Variants in TEX2 observed in about 807,000 individuals in gnomAD.
The protein encoded by TEX2 is testis-expressed protein 2.
In TEX2, 53 loss-of-function variants were observed where a neutral mutation model predicts 106.9. That is an observed-to-expected ratio of 0.50 (90% confidence interval 0.40 to 0.62). TEX2 has a LOEUF of 0.62. TEX2 is among the 20% of genes least tolerant of loss of function. The pLI, the probability that TEX2 is intolerant of heterozygous loss-of-function variation, is 0.00. For missense variants in TEX2, 1,207 were observed against 1,379.0 expected, an observed-to-expected ratio of 0.88 and a Z score of 1.98; for synonymous variants, 523 against 534.8, an observed-to-expected ratio of 0.98 and a Z score of 0.30.
chr17:64,210,634 CTTTTTTTTTTTTT>C (rs58313195), intron 2 of TEX2, among the ~76,000 whole-genome samples: 4 of 74,758 alleles, frequency 5.4e-5, no homozygotes, highest in East Asian at 8.1e-4. Flanking sequence ...CAACCCCCAG[CTTTTTTTTTTTTT>C]TTTTTTTTTT....
intron 5 of TEX2, among the ~76,000 whole-genome samples, chr17:64,180,392 A>G (rs1394859645): frequency 6.6e-6 from 1 of 152,236 alleles, no homozygotes; most frequent in Non-Finnish European, 1.5e-5. Flanking sequence ...AAATTTCTGA[A>G]ATAACCGACA....
chr17:64,250,120 C>A (rs1037757089), intron 1 of TEX2, among the ~76,000 whole-genome samples: 7 of 152,214 alleles, frequency 4.6e-5, no homozygotes. Context: ...GCAGTTTCTG[C>A]TCCTAACTGT....
In TEX2 at chr17:64,214,080, C is replaced by T; in HGVS notation, c.138G>A (p.Glu46=). 1 of 1,613,440 alleles carries T rather than the reference C, an allele frequency of 6.2e-7. No individual in the cohort carries two copies. Among genetic ancestry groups the T allele is most frequent in the Non-Finnish European group, 8.5e-7 (1 of 1,179,410 alleles). Residue 46 remains glutamate (E), a synonymous_variant, in exon 2 of 12, where the codon GAG becomes GAA. Transcript: ENST00000584379. ...ACTCCCTGAACTCCTCCTCCTCTTC[C>T]TCCTCCTCCTCGCCGGATGCCGAGA... The part of the protein sequence containing the change: ...IHFSASGEEE[E]EEEEEFREYF...
chr17:64,256,510 C>T (rs1009298938), intron 1 of TEX2, among the ~76,000 whole-genome samples: 3 of 152,146 alleles, frequency 2.0e-5, no homozygotes, highest in African/African-American at 7.2e-5. Context: ...ATCCACGTTG[C>T]TCTCTCTCTT....
In TEX2 at chr17:64,213,258, G is replaced by A; in HGVS notation, c.960C>T (p.Ala320=). The A allele has an allele frequency of 6.2e-7, 1 of 1,614,188 alleles. No homozygotes were observed. Among genetic ancestry groups the A allele is most frequent in the Non-Finnish European group, 8.5e-7 (1 of 1,180,040 alleles). The change falls in exon 2 of 12, where the codon GCC becomes GCT. Residue 320 remains alanine, a synonymous_variant. Coordinates refer to ENST00000584379, the MANE Select transcript of TEX2 (RefSeq NM_001288732.2). The surrounding 1 kb of genome is among the most constrained non-coding windows in gnomAD (Gnocchi z 4.4). ...GEESGSHRPK[A]LSSSASELSN... is the part of the protein sequence containing the mutation. The stretch of plus-strand genomic sequence containing the variant: ...AGAGTTCTGAAGCACTTGAAGATAA[G>A]GCTTTGGGCCTATGGCTGCCACTTT...
At chr17:64,226,590 T>C (rs868970259) in intron 1 of TEX2, among the ~76,000 whole-genome samples, 6 of 152,264 alleles carry the variant, frequency 3.9e-5, no homozygotes, top group Middle Eastern at 6.8e-3. Flanking sequence ...ATCTCCCAAG[T>C]ACATGAACAG....
At chr17:64,181,391 G>A (rs980607586) in intron 5 of TEX2, among the ~76,000 whole-genome samples, 13 of 143,020 alleles carry the variant, frequency 9.1e-5, no homozygotes, top group African/African-American at 2.9e-4. Context: ...CAGGAGAATC[G>A]CTTGAGCCCA....
chr17:64,154,875 C>G lies in TEX2; in HGVS notation c.2897G>C (p.Gly966Ala), dbSNP rs779514632. 7.5e-6 allele frequency: 12 copies of G among 1,608,904 alleles called. No homozygotes were observed. Among genetic ancestry groups the G allele is most frequent in the Non-Finnish European group, 8.5e-6 (10 of 1,178,138 alleles). ...CCCTGGGAGGAGCTGTTTGTCTCCCCCGCTGGGCTCTGGGGCATCGTCTTC... is the reference window on the plus strand; with the variant it reads ...CCCTGGGAGGAGCTGTTTGTCTCCCGCGCTGGGCTCTGGGGCATCGTCTTC... Reference protein sequence around the residue: ...SEEDDAPEPSGGDKQLLPGAE... With the variant: ...SEEDDAPEPSAGDKQLLPGAE... The change falls in exon 9 of 12, where the codon GGG (glycine) becomes GCG (alanine). Residue 966 changes from glycine (G) to alanine (A), a missense_variant. Physicochemically the swap from Gly to Ala is moderately conservative, Grantham distance 60. Coordinates refer to ENST00000584379, the MANE Select transcript of TEX2 (RefSeq NM_001288732.2).
At chr17:64,231,104 G>C (rs891138724) in intron 1 of TEX2, among the ~76,000 whole-genome samples, 1 of 152,158 alleles carries the variant, frequency 6.6e-6, no homozygotes, top group East Asian at 1.9e-4. Context: ...CAGATCAGCC[G>C]CACCTGCATG....
At position 64,153,969 on chromosome 17, in the gene TEX2, T is replaced by C. The variant is rs150231825; in HGVS notation, c.2931-815A>G. On this transcript the variant is annotated intron_variant, in intron 9 of 11. Coordinates refer to ENST00000584379, the MANE Select transcript of TEX2 (RefSeq NM_001288732.2). The surrounding 1 kb of genome is among the most constrained non-coding windows in gnomAD (Gnocchi z 4.1). Reference sequence around the variant, plus strand: ...CAAACAAACAAAATGCTACACCAAGTTGACGTGCTCACAGGCCAAGAAAAT... The same window carrying C: ...CAAACAAACAAAATGCTACACCAAGCTGACGTGCTCACAGGCCAAGAAAAT... 1.2e-3 allele frequency among the ~76,000 whole-genome samples: 176 copies of C among 152,258 alleles called. No individual in the cohort carries two copies. The highest frequency in any genetic ancestry group is 4.0e-3 in the African/African-American group (167 of 41,556).
Position 64,147,274 on chromosome 17 carries a change from T to G in TEX2, c.*1695A>C, listed in dbSNP as rs1466002789. On this transcript the variant is annotated 3_prime_UTR_variant, in exon 12 of 12. Transcript: ENST00000584379. ...GGGCTGAAGATAATGGCACATAGTT[T>G]GAAGGATGTAGTGAGGATGGCTTTG... is the stretch of plus-strand genomic sequence containing the variant. 1 of 152,178 alleles carries G rather than the reference T, an allele frequency of 6.6e-6. No individual in the cohort carries two copies. Among genetic ancestry groups the G allele is most frequent in the African/African-American group, 2.4e-5 (1 of 41,424 alleles). 9.4% of individuals were successfully genotyped at this position (152,178 alleles called of 1,614,324 possible). A position where few individuals can be genotyped will look rare whatever the true frequency, so the allele number is the denominator to read the frequency against.
intron 2 of TEX2, among the ~76,000 whole-genome samples, chr17:64,208,778 C>T (rs984265833): frequency 6.6e-5 from 10 of 152,062 alleles, no homozygotes; most frequent in Non-Finnish European, 1.2e-4. Context: ...GCATGCACCA[C>T]CATACCTGGC....
At position 64,148,675 on chromosome 17, in the gene TEX2, G is replaced by T; in HGVS notation, c.*294C>A. ...GTGCTCATTTGCTGCCACAAACATG[G>T]GTAGACTTTTAAAAGCCATGGTGTG... On this transcript the variant is annotated 3_prime_UTR_variant, in exon 12 of 12. Coordinates refer to ENST00000584379, the MANE Select transcript of TEX2 (RefSeq NM_001288732.2). 3.1e-6 allele frequency: 1 copy of T among 325,418 alleles called. No individual in the cohort carries two copies. Among genetic ancestry groups the T allele is most frequent in the Non-Finnish European group, 5.7e-6 (1 of 176,574 alleles). 20.2% of individuals were successfully genotyped at this position (325,418 alleles called of 1,614,324 possible). A position where few individuals can be genotyped will look rare whatever the true frequency, so the allele number is the denominator to read the frequency against.
At chr17:64,233,424 T>C (rs1479569619) in intron 1 of TEX2, among the ~76,000 whole-genome samples, 1 of 151,822 alleles carries the variant, frequency 6.6e-6, no homozygotes, top group East Asian at 1.9e-4. Flanking sequence ...ATACAAAAAA[T>C]TAGCCAGGCG....
chr17:64,226,851 A>G (rs2033518466), intron 1 of TEX2, among the ~76,000 whole-genome samples: 2 of 152,178 alleles, frequency 1.3e-5, no homozygotes, highest in Admixed American at 1.3e-4. Context: ...GTATAAAAGT[A>G]GTATAAAAAA....
intron 1 of TEX2, 76 bp from the exon 2 acceptor site, chr17:64,214,318 C>A: frequency 8.0e-7 from 1 of 1,256,090 alleles, no homozygotes; most frequent in South Asian, 1.4e-5. Flanking sequence ...CAGATAGGAG[C>A]ACAGATGAAG....
At chr17:64,191,106 A>G (rs1049515484) in intron 4 of TEX2, among the ~76,000 whole-genome samples, 4 of 152,150 alleles carry the variant, frequency 2.6e-5, no homozygotes, top group African/African-American at 7.2e-5. Context: ...AACTTACCAT[A>G]AATATCTCAA....
intron 1 of TEX2, among the ~76,000 whole-genome samples, chr17:64,236,685 G>C (rs2033775748): frequency 6.6e-6 from 1 of 152,154 alleles, no homozygotes; most frequent in Non-Finnish European, 1.5e-5. Flanking sequence ...TGGATACCGA[G>C]GGATGATTAC....
chr17:64,211,119 C>A (rs2032989293), intron 2 of TEX2, among the ~76,000 whole-genome samples: 1 of 152,132 alleles, frequency 6.6e-6, no homozygotes, highest in Admixed American at 6.5e-5. Flanking sequence ...CGCCACCAAG[C>A]CCAGCTAATT....
Sources: allele counts gnomAD v4.1 joint callset (sites outside exome capture counted in the v4.1 genomes callset), GRCh38; gene constraint gnomAD v4.1.1; non-coding constraint Gnocchi (gnomAD v3.1); transcripts MANE v1.5; gene names NCBI Gene and HGNC (gene_info 2026-07-23, HGNC 2026-07-21).